SRFBP1: variants seen among roughly 807,000 people sequenced by gnomAD.
SRFBP1 encodes serum response factor binding protein 1.
A neutral mutation model predicts 45.5 loss-of-function variants in SRFBP1; 47 were observed. That is an observed-to-expected ratio of 1.03 (90% CI 0.82 to 1.32). The LOEUF (loss-of-function observed/expected upper bound fraction) is 1.32. SRFBP1 is among the 40% of genes most tolerant of loss of function. The probability of loss-of-function intolerance (pLI) is 0.00; values close to 1 mark genes in which losing one functional copy is unlikely to be tolerated. For missense variants in SRFBP1, 621 were observed against 484.6 expected, an observed-to-expected ratio of 1.28 and a Z score of -2.64; for synonymous variants, 203 against 166.3, an observed-to-expected ratio of 1.22 and a Z score of -1.70.
intron 6 of SRFBP1, among the ~76,000 whole-genome samples, chr5:122,021,677 T>C (rs1049676559): frequency 7.5e-6 from 1 of 134,056 alleles, no homozygotes; most frequent in East Asian, 2.1e-4. Flanking sequence ...TCTTTTTTTT[T>C]TTTTTTTTTT....
rs187766227 is a variant in SRFBP1, at chr5:122,051,566, A to C, written n.312-23749A>C. Among the ~76,000 whole-genome samples, 708 of 151,630 alleles carry C rather than the reference A, an allele frequency of 4.7e-3. 9 individuals carry two copies. The highest frequency in any genetic ancestry group is 0.016 in the African/African-American group (665 of 41,314). The stretch of plus-strand genomic sequence containing the variant: ...TGGTTTAAAGTCTGTTTTGTCTGAA[A>C]TTAGGATTGCAACCCCTGCTTTTTC... On this transcript the variant is annotated intron_variant and non_coding_transcript_variant, in intron 2 of 2. Coordinates refer to the SRFBP1 transcript ENST00000504881.
chr5:122,071,605 A>G (rs1487401457), intron 2 of SRFBP1, among the ~76,000 whole-genome samples: 1 of 152,226 alleles, frequency 6.6e-6, no homozygotes, highest in Non-Finnish European at 1.5e-5. Flanking sequence ...AAGTTTCCTC[A>G]GATTGGAGTC....
Position 122,020,661 on chromosome 5 carries a change from C to A in SRFBP1, c.926C>A (p.Pro309Gln), listed in dbSNP as rs1753296230. The A allele has an allele frequency of 2.5e-6, 4 of 1,613,666 alleles. No individual in the cohort carries two copies. The highest frequency in any genetic ancestry group is 2.2e-5 in the South Asian group (2 of 90,998). ...CATTCTTCAGTTAAGGAACAAAAAC[C>A]ACTAGAAAAAGTGTTTCTTAAAGAA... The part of the protein sequence containing the change: ...SCHSSVKEQK[P>Q]LEKVFLKEDT... Residue 309 changes from proline to glutamine, a missense_variant, in exon 6 of 8, where the codon CCA (proline) becomes CAA (glutamine). Coordinates refer to ENST00000339397, the MANE Select transcript of SRFBP1 (RefSeq NM_152546.3).
Position 122,028,122 on chromosome 5 carries a change from CAG to C in SRFBP1, c.*998_*999del, listed in dbSNP as rs1450480478. 6.6e-6 allele frequency: 1 copy of C among 152,124 alleles called. No individual in the cohort carries two copies. Among genetic ancestry groups the C allele is most frequent in the Non-Finnish European group, 1.5e-5 (1 of 68,014 alleles). The allele number at this position is 152,124 out of a possible 1,614,324, so 9.4% of individuals were successfully genotyped here. Reference sequence around the variant, plus strand: ...ACAGTACTGCTATTTAAAAGGAAAACAGAAATTTTTAAATCCCTTCAAATGTT... The same window carrying C: ...ACAGTACTGCTATTTAAAAGGAAAACAAATTTTTAAATCCCTTCAAATGTT... On this transcript the variant is annotated 3_prime_UTR_variant, in exon 8 of 8. Transcript: ENST00000339397.
At chr5:121,992,852 G>A (rs1270342431) in intron 3 of SRFBP1, among the ~76,000 whole-genome samples, 3 of 151,786 alleles carry the variant, frequency 2.0e-5, no homozygotes, top group Non-Finnish European at 4.4e-5. Flanking sequence ...ATGTATCTGG[G>A]GCTTTGGGTT....
chr5:122,032,234 T>C (rs1228079855), downstream of SRFBP1, among the ~76,000 whole-genome samples: 1 of 151,842 alleles, frequency 6.6e-6, no homozygotes, highest in East Asian at 1.9e-4. Context: ...GACAGTATTT[T>C]ATTTTAATGA....
intron 1 of SRFBP1, among the ~76,000 whole-genome samples, chr5:121,965,285 A>G (rs754869322): frequency 2.6e-5 from 4 of 152,072 alleles, no homozygotes; most frequent in Non-Finnish European, 5.9e-5. Context: ...CCTGAATGGT[A>G]TTGCCTAGGT....
chr5:121,971,193 C>A (rs1200310587), intron 1 of SRFBP1, among the ~76,000 whole-genome samples: 1 of 151,816 alleles, frequency 6.6e-6, no homozygotes, highest in Non-Finnish European at 1.5e-5. Flanking sequence ...AATTTTATTG[C>A]GATGGCATTG....
intron 4 of SRFBP1, among the ~76,000 whole-genome samples, chr5:122,003,508 T>C (rs918487205): frequency 6.6e-4 from 100 of 152,280 alleles, no homozygotes; most frequent in African/African-American, 2.4e-3. Flanking sequence ...AATACAATAA[T>C]TGGTTTTTTG....
chr5:122,051,760 C>A (rs1373339311), intron 2 of SRFBP1, among the ~76,000 whole-genome samples: 3 of 151,830 alleles, frequency 2.0e-5, no homozygotes, highest in African/African-American at 7.3e-5. Flanking sequence ...ACATTCAAGG[C>A]GAATATTGAT....
At chr5:122,056,310 A>G (rs908658849) in intron 2 of SRFBP1, among the ~76,000 whole-genome samples, 8 of 152,160 alleles carry the variant, frequency 5.3e-5, no homozygotes, top group Non-Finnish European at 1.0e-4. Flanking sequence ...GACCAGCTGA[A>G]TGTAAATAAG....
At chr5:122,053,720 G>A (rs1165330239) in intron 2 of SRFBP1, among the ~76,000 whole-genome samples, 1 of 151,726 alleles carries the variant, frequency 6.6e-6, no homozygotes, top group African/African-American at 2.4e-5. Context: ...CTGTCCAAGT[G>A]TTTCCAGAAC....
chr5:122,073,763 C>T (rs1754526866), intron 2 of SRFBP1, among the ~76,000 whole-genome samples: 1 of 152,122 alleles, frequency 6.6e-6, no homozygotes, highest in South Asian at 2.1e-4. Context: ...CCATCATTTG[C>T]CTTTTCCCAA....
intron 2 of SRFBP1, among the ~76,000 whole-genome samples, chr5:122,068,006 T>C (rs1561416079): frequency 6.6e-6 from 1 of 152,014 alleles, no homozygotes; most frequent in Non-Finnish European, 1.5e-5. Flanking sequence ...GGGGTTTTTT[T>C]CTCAAATATT....
intron 3 of SRFBP1, among the ~76,000 whole-genome samples, chr5:121,977,874 A>G (rs1340347378): frequency 6.6e-6 from 1 of 152,142 alleles, no homozygotes; most frequent in South Asian, 2.1e-4. Context: ...ATAGGTTCTA[A>G]TTTTATAGAC....
intron 2 of SRFBP1, among the ~76,000 whole-genome samples, chr5:122,054,131 A>G (rs1282436438): frequency 6.6e-6 from 1 of 152,190 alleles, no homozygotes; most frequent in Non-Finnish European, 1.5e-5. Context: ...GATCTGCTCC[A>G]GGGCCCAAAG....
At chr5:122,016,801 A>G (rs1188758162) in intron 4 of SRFBP1, among the ~76,000 whole-genome samples, 1 of 152,192 alleles carries the variant, frequency 6.6e-6, no homozygotes, top group East Asian at 1.9e-4. Flanking sequence ...TTTGCGCTGT[A>G]CTTAAATGAA....
At chr5:121,969,430 G>A (rs939084279) in intron 1 of SRFBP1, among the ~76,000 whole-genome samples, 3 of 151,836 alleles carry the variant, frequency 2.0e-5, no homozygotes, top group African/African-American at 7.3e-5. Flanking sequence ...GAATTTCCTT[G>A]AGCTGGACAC....
intron 1 of SRFBP1, among the ~76,000 whole-genome samples, chr5:121,967,290 G>T (rs1490418204): frequency 1.3e-5 from 2 of 152,156 alleles, no homozygotes; most frequent in Non-Finnish European, 2.9e-5. Context: ...GTGATTAGGT[G>T]CATAGTACTT....
Sources: gnomAD v4.1 joint callset for allele counts (sites outside exome capture counted in the v4.1 genomes callset) on GRCh38, gnomAD v4.1.1 for gene constraint, MANE v1.5 for transcripts, NCBI Gene and HGNC (gene_info 2026-07-23, HGNC 2026-07-21) for gene names.